Variants in ENTREP2 observed in about 807,000 individuals in gnomAD.
ENTREP2 encodes protein ENTREP2.
At chr15:29,473,387 T>G in the ENTREP2 span, among the ~76,000 whole-genome samples, 1 of 152,040 alleles carries the variant, frequency 6.6e-6, no homozygotes, top group Non-Finnish European at 1.5e-5. Flanking sequence ...CGAGGGATGG[T>G]GGCAGCTGCA....
the ENTREP2 span, among the ~76,000 whole-genome samples, chr15:29,542,399 C>T: frequency 6.6e-6 from 1 of 151,846 alleles, no homozygotes. Flanking sequence ...CCCGGGTTCA[C>T]GCCGTTCTCC....
At chr15:29,241,863 C>A in the ENTREP2 span, among the ~76,000 whole-genome samples, 2 of 152,012 alleles carry the variant, frequency 1.3e-5, no homozygotes, top group African/African-American at 4.8e-5. Flanking sequence ...TGAGACCCCC[C>A]CCCACCACCA....
chr15:29,613,442 T>TG, the ENTREP2 span: 4 of 462,340 alleles, frequency 8.7e-6, no homozygotes, highest in African/African-American at 8.2e-5. Flanking sequence ...ACTCACTGGG[T>TG]GAGGGCACAG....
At chr15:29,518,159 T>C in the ENTREP2 span, among the ~76,000 whole-genome samples, 1 of 152,120 alleles carries the variant, frequency 6.6e-6, no homozygotes, top group Middle Eastern at 3.4e-3. Context: ...CGAGCTATGA[T>C]TGCTACACTC....
the ENTREP2 span, among the ~76,000 whole-genome samples, chr15:29,281,721 A>C: frequency 1.3e-5 from 2 of 152,180 alleles, no homozygotes; most frequent in Admixed American, 6.5e-5. Context: ...ACTTGTGTGA[A>C]TTGGTTTGTA....
the ENTREP2 span, among the ~76,000 whole-genome samples, chr15:29,316,390 A>G: frequency 7.3e-4 from 111 of 152,320 alleles, no homozygotes; most frequent in Non-Finnish European, 1.5e-3. Flanking sequence ...ACCCAATGCA[A>G]AAAGAGAGAA....
the ENTREP2 span, among the ~76,000 whole-genome samples, chr15:29,641,526 T>C: frequency 2.0e-5 from 3 of 151,808 alleles, no homozygotes; most frequent in African/African-American, 7.3e-5. Context: ...GCATGCACAA[T>C]CAAAAAATGA....
At chr15:29,178,236 G>A in the ENTREP2 span, among the ~76,000 whole-genome samples, 6 of 150,250 alleles carry the variant, frequency 4.0e-5, no homozygotes, top group South Asian at 6.3e-4. Flanking sequence ...CAAGGCTGCC[G>A]TGAGCTGTGA....
At chr15:29,498,991 T>C in the ENTREP2 span, among the ~76,000 whole-genome samples, 1 of 152,214 alleles carries the variant, frequency 6.6e-6, no homozygotes, top group Admixed American at 6.5e-5. Flanking sequence ...GGTTTCCATT[T>C]GCAAGAAGTA....
chr15:29,590,469 G>T, the ENTREP2 span, among the ~76,000 whole-genome samples: 1 of 151,954 alleles, frequency 6.6e-6, no homozygotes, highest in Admixed American at 6.6e-5. Flanking sequence ...GATCACCTGA[G>T]GTCAGGAGTT....
the ENTREP2 span, among the ~76,000 whole-genome samples, chr15:29,511,002 G>C: frequency 1.3e-5 from 2 of 152,012 alleles, no homozygotes; most frequent in Non-Finnish European, 2.9e-5. Flanking sequence ...AGAACATATG[G>C]GCACAGGGAG....
At chr15:29,476,129 A>G in the ENTREP2 span, among the ~76,000 whole-genome samples, 7 of 152,244 alleles carry the variant, frequency 4.6e-5, no homozygotes, top group Non-Finnish European at 4.4e-5. Context: ...CTTCAAAAGG[A>G]AACTTTAGCT....
chr15:29,359,601 C>T, the ENTREP2 span, among the ~76,000 whole-genome samples: 4 of 152,184 alleles, frequency 2.6e-5, no homozygotes, highest in Admixed American at 1.3e-4. Flanking sequence ...TTAGTAGAGG[C>T]GGGGTTTCAC....
At chr15:29,404,625 A>C in the ENTREP2 span, among the ~76,000 whole-genome samples, 5 of 144,130 alleles carry the variant, frequency 3.5e-5, no homozygotes, top group Non-Finnish European at 6.1e-5. Context: ...ATCTCCCCAT[A>C]CCTCCCCTCC....
the ENTREP2 span, among the ~76,000 whole-genome samples, chr15:29,390,455 G>C: frequency 1.3e-5 from 2 of 152,232 alleles, no homozygotes; most frequent in African/African-American, 2.4e-5. Context: ...GAAAAGGCAT[G>C]ATATTGCTCA....
the ENTREP2 span, among the ~76,000 whole-genome samples, chr15:29,388,513 T>C: frequency 2.6e-5 from 4 of 152,228 alleles, no homozygotes; most frequent in African/African-American, 9.6e-5. Context: ...TTTTACACTG[T>C]TGTGGGACTG....
chr15:29,334,183 G>C, the ENTREP2 span, among the ~76,000 whole-genome samples: 1 of 152,196 alleles, frequency 6.6e-6, no homozygotes, highest in Non-Finnish European at 1.5e-5. Flanking sequence ...GTGAACTTCA[G>C]TTTTACAGAG....
chr15:29,345,771 T>C, the ENTREP2 span, among the ~76,000 whole-genome samples: 5 of 151,996 alleles, frequency 3.3e-5, no homozygotes, highest in South Asian at 1.0e-3. Flanking sequence ...GGGAGAGCTG[T>C]TAGGAATGCA....
chr15:29,620,330 G>A, the ENTREP2 span, among the ~76,000 whole-genome samples: 1 of 152,120 alleles, frequency 6.6e-6, no homozygotes, highest in African/African-American at 2.4e-5. Context: ...CCGGGGGGAA[G>A]TGGTTGCTGC....
Sources: allele counts gnomAD v4.1 joint callset (sites outside exome capture counted in the v4.1 genomes callset), GRCh38; gene constraint gnomAD v4.1.1; transcripts MANE v1.5; gene names NCBI Gene and HGNC (gene_info 2026-07-23, HGNC 2026-07-21).